MEOX2: variants seen among roughly 807,000 people sequenced by gnomAD.
MEOX2 encodes mesenchyme homeobox 2.
MEOX2 carries 11 observed loss-of-function variants against 27.0 expected under a neutral mutation model. The ratio of observed to expected loss-of-function variants is 0.41; its 90% CI spans 0.26 to 0.68. MEOX2 has a LOEUF of 0.68. Among genes scored for constraint, MEOX2 ranks in the 30% least tolerant of loss-of-function variants. The probability of loss-of-function intolerance (pLI) is 0.33; values close to 1 mark genes in which losing one functional copy is unlikely to be tolerated. For synonymous variants in MEOX2, 189 were observed against 155.4 expected, an observed-to-expected ratio of 1.22 and a Z score of -1.61; for missense variants, 436 against 385.4, an observed-to-expected ratio of 1.13 and a Z score of -1.10.
intron 1 of MEOX2, among the ~76,000 whole-genome samples, chr7:15,627,393 GC>G (rs1416180622): frequency 6.6e-6 from 1 of 152,062 alleles, no homozygotes; most frequent in Non-Finnish European, 1.5e-5. Flanking sequence ...CTCAGACTGA[GC>G]GTATGTAAAA....
intron 1 of MEOX2, among the ~76,000 whole-genome samples, chr7:15,661,012 C>CAAAAAAAAAAAA (rs71004402): frequency 9.0e-5 from 4 of 44,338 alleles, no homozygotes; most frequent in African/African-American, 2.5e-4. Context: ...GACTCAGTCT[C>CAAAAAAAAAAAA]AAAAAAAAAA....
At chr7:15,621,877 G>C (rs546006908) in intron 2 of MEOX2, among the ~76,000 whole-genome samples, 2 of 152,304 alleles carry the variant, frequency 1.3e-5, no homozygotes, top group East Asian at 3.9e-4. Context: ...TCAGCACTTT[G>C]GGAGGCCGAG....
chr7:15,627,688 C>T (rs1236076200), intron 1 of MEOX2, among the ~76,000 whole-genome samples: 1 of 151,822 alleles, frequency 6.6e-6, no homozygotes, highest in Middle Eastern at 3.2e-3. Flanking sequence ...TCCATTTTTC[C>T]TCTTAAGGGT....
chr7:15,627,715 G>A (rs73300577), intron 1 of MEOX2, among the ~76,000 whole-genome samples: 7,402 of 151,462 alleles, frequency 0.049, 240 homozygotes, highest in African/African-American at 0.1. Context: ...CATAACTAAC[G>A]TATAGAATTT....
At chr7:15,659,237 T>G (rs978622185) in intron 1 of MEOX2, among the ~76,000 whole-genome samples, 5 of 152,156 alleles carry the variant, frequency 3.3e-5, no homozygotes, top group African/African-American at 1.2e-4. Context: ...ATATAACTTA[T>G]TTATAAACTA....
chr7:15,656,387 G>C (rs6942877), intron 1 of MEOX2, among the ~76,000 whole-genome samples: 37,023 of 150,636 alleles, frequency 0.25, 4,842 homozygotes, highest in East Asian at 0.32. Context: ...GCTTACATCT[G>C]CCCTTTTACT....
intron 1 of MEOX2, among the ~76,000 whole-genome samples, chr7:15,661,461 G>C (rs571051487): frequency 6.6e-6 from 1 of 152,180 alleles, no homozygotes; most frequent in Admixed American, 6.5e-5. Context: ...CCTGAATTTT[G>C]GAATGCGTTT....
chr7:15,647,152 C>T (rs566613178), intron 1 of MEOX2, among the ~76,000 whole-genome samples: 3 of 152,122 alleles, frequency 2.0e-5, no homozygotes, highest in South Asian at 4.1e-4. Context: ...TAGCTAAGTA[C>T]ATTTGTTTTT....
intron 1 of MEOX2, among the ~76,000 whole-genome samples, chr7:15,659,126 G>C (rs1781868657): frequency 6.6e-6 from 1 of 152,060 alleles, no homozygotes; most frequent in Non-Finnish European, 1.5e-5. Flanking sequence ...GAGCTTCCCA[G>C]GTAGCTAGGA....
chr7:15,638,341 C>T (rs1186193436), intron 1 of MEOX2, among the ~76,000 whole-genome samples: 6 of 152,060 alleles, frequency 3.9e-5, no homozygotes, highest in Admixed American at 3.9e-4. Context: ...AATTAAATGG[C>T]ATTATCTTTT....
At chr7:15,664,830 T>G (rs1781973786) in intron 1 of MEOX2, among the ~76,000 whole-genome samples, 1 of 152,174 alleles carries the variant, frequency 6.6e-6, no homozygotes, top group South Asian at 2.1e-4. Context: ...TCTGTGGATA[T>G]CTGCTGGACT....
intron 1 of MEOX2, among the ~76,000 whole-genome samples, chr7:15,670,429 G>A (rs139291924): frequency 6.6e-6 from 1 of 152,252 alleles, no homozygotes; most frequent in East Asian, 1.9e-4. Flanking sequence ...CATTGAGGTG[G>A]GAGAGGGATC....
At chr7:15,623,018 T>A (rs544765338) in intron 2 of MEOX2, among the ~76,000 whole-genome samples, 1 of 152,300 alleles carries the variant, frequency 6.6e-6, no homozygotes, top group African/African-American at 2.4e-5. Flanking sequence ...GGACTTCCCA[T>A]CCTCCAGAAC....
At chr7:15,659,716 C>T (rs1311954283) in intron 1 of MEOX2, among the ~76,000 whole-genome samples, 2 of 137,010 alleles carry the variant, frequency 1.5e-5, no homozygotes, top group African/African-American at 2.8e-5. Context: ...GCCGAGATCG[C>T]GTCACTGCAC....
intron 1 of MEOX2, among the ~76,000 whole-genome samples, chr7:15,636,600 TAGAG>T (rs1781481574): frequency 6.6e-6 from 1 of 152,012 alleles, no homozygotes; most frequent in South Asian, 2.1e-4. Context: ...TTTTCCCAAT[TAGAG>T]AGCATCTGAA....
chr7:15,615,101 T>C (rs1204239403), intron 2 of MEOX2, among the ~76,000 whole-genome samples: 2 of 152,188 alleles, frequency 1.3e-5, no homozygotes, highest in African/African-American at 4.8e-5. Context: ...CATATTATTA[T>C]TACTTACTAA....
At chr7:15,612,722 G>C in intron 2 of MEOX2, 111 bp from the exon 3 acceptor site, 1 of 787,120 alleles carries the variant, frequency 1.3e-6, no homozygotes. Context: ...CTTATACAAA[G>C]ACACCATGAA....
chr7:15,624,273 A>G (rs960147803), intron 2 of MEOX2, among the ~76,000 whole-genome samples: 1 of 152,208 alleles, frequency 6.6e-6, no homozygotes, highest in Non-Finnish European at 1.5e-5. Context: ...AACTTGCAAA[A>G]CTGCACGTAG....
chr7:15,674,359 G>T (rs987571595), intron 1 of MEOX2, among the ~76,000 whole-genome samples: 3 of 152,050 alleles, frequency 2.0e-5, no homozygotes, highest in Non-Finnish European at 4.4e-5. Flanking sequence ...TAAATTAAGT[G>T]CAAGAGACCT....
Sources: allele counts gnomAD v4.1 joint callset (sites outside exome capture counted in the v4.1 genomes callset), GRCh38; gene constraint gnomAD v4.1.1; transcripts MANE v1.5; gene names NCBI Gene and HGNC (gene_info 2026-07-23, HGNC 2026-07-21).